Variants in RSRC1 observed in about 807,000 individuals in gnomAD.
RSRC1 encodes the protein arginine and serine rich coiled-coil 1, also known as serine/Arginine-related protein 53.
A neutral mutation model predicts 49.1 loss-of-function variants in RSRC1; 39 were observed. That is an observed-to-expected ratio of 0.79 (90% CI 0.61 to 1.04). The LOEUF (loss-of-function observed/expected upper bound fraction) is 1.04. Among genes scored for constraint, RSRC1 ranks in the 50% least tolerant of loss-of-function variants. The pLI is 0.00. For missense variants in RSRC1, 388 were observed against 402.4 expected (o/e 0.96, Z 0.31); for synonymous variants, 143 against 130.8 (o/e 1.09, Z -0.63).
intron 4 of RSRC1, among the ~76,000 whole-genome samples, chr3:158,238,845 A>G (rs533555622): frequency 6.6e-6 from 1 of 152,232 alleles, no homozygotes; most frequent in Non-Finnish European, 1.5e-5. Context: ...AGCAGTGGCA[A>G]CAAAAGCGGA....
intron 5 of RSRC1, among the ~76,000 whole-genome samples, chr3:158,314,562 A>G (rs1239272454): frequency 6.6e-6 from 1 of 152,182 alleles, no homozygotes; most frequent in East Asian, 1.9e-4. Flanking sequence ...AGCAATTGTT[A>G]TCCTGTCAGC....
chr3:158,377,508 G>A (rs146239943), intron 6 of RSRC1, among the ~76,000 whole-genome samples: 153 of 152,128 alleles, frequency 1.0e-3, no homozygotes, highest in African/African-American at 3.4e-3. Context: ...TCATTCTCCC[G>A]CTCTTGCTCC....
intron 2 of RSRC1, among the ~76,000 whole-genome samples, chr3:158,123,472 A>G (rs908624323): frequency 2.3e-4 from 35 of 151,764 alleles, no homozygotes; most frequent in African/African-American, 8.2e-4. Flanking sequence ...TTTTATTTTT[A>G]TTTTTTGTGG....
rs963356879 is a variant in RSRC1, at chr3:158,539,470, G to C, written c.759+2272G>C. On this transcript the variant is annotated intron_variant, in intron 8 of 9. Coordinates refer to ENST00000611884, the MANE Select transcript of RSRC1 (RefSeq NM_001271838.2). The surrounding 1 kb of genome is among the most constrained non-coding windows in gnomAD (Gnocchi z 4.1). Reference sequence around the variant, plus strand: ...AAGATGCAGCTTGTTTTCAAACTTAGTATGAGTTATTCAACCCTAATGTTG... The same window carrying C: ...AAGATGCAGCTTGTTTTCAAACTTACTATGAGTTATTCAACCCTAATGTTG... 6.6e-6 allele frequency among the ~76,000 whole-genome samples: 1 copy of C among 151,998 alleles called. No individual in the cohort carries two copies. Among genetic ancestry groups the C allele is most frequent in the African/African-American group, 2.4e-5 (1 of 41,402 alleles).
intron 3 of RSRC1, among the ~76,000 whole-genome samples, chr3:158,145,839 G>A (rs1250037791): frequency 6.6e-6 from 1 of 152,076 alleles, no homozygotes; most frequent in Non-Finnish European, 1.5e-5. Context: ...CCTTGAAGAG[G>A]TCCTTCACAT....
intron 4 of RSRC1, among the ~76,000 whole-genome samples, chr3:158,285,539 C>T (rs897740928): frequency 6.6e-5 from 10 of 152,120 alleles, no homozygotes; most frequent in East Asian, 1.9e-4. Flanking sequence ...GAATGTTCTT[C>T]CATTTCTTTG....
intron 3 of RSRC1, among the ~76,000 whole-genome samples, chr3:158,175,336 T>C (rs1304157255): frequency 3.3e-5 from 5 of 152,144 alleles, no homozygotes; most frequent in African/African-American, 4.8e-5. Flanking sequence ...TGTAGCAGCC[T>C]TTCCTTTGTG....
At chr3:158,341,358 A>G (rs935939287) in intron 5 of RSRC1, among the ~76,000 whole-genome samples, 6 of 152,104 alleles carry the variant, frequency 3.9e-5, no homozygotes, top group Non-Finnish European at 8.8e-5. Flanking sequence ...CCAGGTCCCT[A>G]TGCTGTGTGC....
chr3:158,268,506 G>A (rs1325069113), intron 4 of RSRC1, among the ~76,000 whole-genome samples: 1 of 152,124 alleles, frequency 6.6e-6, no homozygotes, highest in Non-Finnish European at 1.5e-5. Context: ...CCCAAAGGCT[G>A]GGGTCTTCTA....
In RSRC1 at chr3:158,354,919, A is replaced by G; in HGVS notation, c.583+11A>G. The G allele has an allele frequency of 6.5e-7, 1 of 1,537,578 alleles. No individual in the cohort carries two copies. The highest frequency in any genetic ancestry group is 2.2e-5 in the Admixed American group (1 of 45,744). On this transcript the variant is annotated intron_variant, in intron 6 of 9. Coordinates refer to ENST00000611884, the MANE Select transcript of RSRC1 (RefSeq NM_001271838.2). ...TTCTTGAAGCTGCTGGTAAGTGTTGATAATTAACTTTTATTAAATGAAGAA... is the reference window on the plus strand; with the variant it reads ...TTCTTGAAGCTGCTGGTAAGTGTTGGTAATTAACTTTTATTAAATGAAGAA...
intron 4 of RSRC1, among the ~76,000 whole-genome samples, chr3:158,267,596 A>G (rs1004247190): frequency 6.6e-6 from 1 of 151,414 alleles, no homozygotes; most frequent in African/African-American, 2.4e-5. Context: ...CTTTAAGTTC[A>G]CTGATTTTAT....
intron 4 of RSRC1, among the ~76,000 whole-genome samples, chr3:158,221,991 T>G (rs556794407): frequency 2.0e-5 from 3 of 151,560 alleles, no homozygotes; most frequent in Non-Finnish European, 4.4e-5. Context: ...CTGATGACAG[T>G]ATTATTATAT....
chr3:158,274,659 C>A (rs1725706565), intron 4 of RSRC1, among the ~76,000 whole-genome samples: 1 of 152,132 alleles, frequency 6.6e-6, no homozygotes, highest in African/African-American at 2.4e-5. Flanking sequence ...CCTTTACACT[C>A]AAACTCAACC....
At chr3:158,254,580 C>T (rs1168002274) in intron 4 of RSRC1, among the ~76,000 whole-genome samples, 3 of 152,070 alleles carry the variant, frequency 2.0e-5, no homozygotes, top group African/African-American at 2.4e-5. Flanking sequence ...TACAGGCGGC[C>T]GCCAGCACGC....
chr3:158,388,847 G>C (rs1277956845), intron 6 of RSRC1, among the ~76,000 whole-genome samples: 1 of 152,082 alleles, frequency 6.6e-6, no homozygotes, highest in Admixed American at 6.6e-5. Context: ...CTGACCTCAT[G>C]ATCCGCCCGC....
At chr3:158,348,728 C>T (rs775761564) in intron 5 of RSRC1, among the ~76,000 whole-genome samples, 5 of 152,204 alleles carry the variant, frequency 3.3e-5, no homozygotes, top group Non-Finnish European at 7.4e-5. Flanking sequence ...ACCCCTCACT[C>T]CCCTCCCAAC....
chr3:158,183,925 T>C (rs1578173747), intron 3 of RSRC1, among the ~76,000 whole-genome samples: 1 of 152,226 alleles, frequency 6.6e-6, no homozygotes, highest in East Asian at 1.9e-4. Context: ...TAAAAAAGAT[T>C]GCTGTTTGGT....
chr3:158,330,232 C>G (rs942551922), intron 5 of RSRC1, among the ~76,000 whole-genome samples: 2 of 152,194 alleles, frequency 1.3e-5, no homozygotes, highest in Non-Finnish European at 2.9e-5. Flanking sequence ...GTGGACTGCA[C>G]CCACTGTCCT....
At chr3:158,157,833 T>C (rs1442027207) in intron 3 of RSRC1, among the ~76,000 whole-genome samples, 1 of 152,092 alleles carries the variant, frequency 6.6e-6, no homozygotes, top group Non-Finnish European at 1.5e-5. Context: ...GAGAATAGCT[T>C]GAACCCCGGA....
Sources: gnomAD v4.1 joint callset for allele counts (sites outside exome capture counted in the v4.1 genomes callset) on GRCh38, gnomAD v4.1.1 for gene constraint, Gnocchi (gnomAD v3.1) non-coding constraint, MANE v1.5 for transcripts, NCBI Gene and HGNC (gene_info 2026-07-23, HGNC 2026-07-21) for gene names.